The following SLC17A8 variants were observed in gnomAD, a reference collection of about 807,000 sequenced individuals.
SLC17A8 encodes vesicular glutamate transporter 3.
Under a neutral mutation model 58.0 loss-of-function variants are expected in SLC17A8, and 31 were observed. The ratio of observed to expected loss-of-function variants is 0.53; its 90% CI spans 0.40 to 0.72. The LOEUF is 0.72. Among genes scored for constraint, SLC17A8 ranks in the 30% least tolerant of loss-of-function variants. The pLI, the probability that SLC17A8 is intolerant of heterozygous loss-of-function variation, is 0.00. For missense variants in SLC17A8, 655 were observed against 727.8 expected (o/e 0.90, Z 1.15); for synonymous variants, 228 against 249.0 (o/e 0.92, Z 0.79).
intron 10 of SLC17A8, among the ~76,000 whole-genome samples, chr12:100,413,222 C>T (rs1952883015): frequency 6.6e-6 from 1 of 152,310 alleles, no homozygotes; most frequent in South Asian, 2.1e-4. Flanking sequence ...CTGACAGAGG[C>T]TCCTGTGACT....
chr12:100,417,217 C>A (rs1952912754), intron 10 of SLC17A8, among the ~76,000 whole-genome samples: 1 of 152,176 alleles, frequency 6.6e-6, no homozygotes, highest in Non-Finnish European at 1.5e-5. Context: ...GCAGCATTAT[C>A]TTTTGATAGA....
chr12:100,402,838 T>G, intron 8 of SLC17A8, 93 bp downstream of exon 8: 1 of 1,300,604 alleles, frequency 7.7e-7, no homozygotes, highest in Non-Finnish European at 1.1e-6. Context: ...AAATTGCTGA[T>G]CATAATTCAT....
intron 9 of SLC17A8, 97 bp downstream of exon 9, chr12:100,404,267 A>T: frequency 8.6e-6 from 13 of 1,518,164 alleles, no homozygotes; most frequent in Non-Finnish European, 1.2e-5. Flanking sequence ...TAGTCATTGG[A>T]GTGGATCTTA....
chr12:100,384,143 T>A (rs1007997718), intron 2 of SLC17A8, among the ~76,000 whole-genome samples: 3 of 152,226 alleles, frequency 2.0e-5, no homozygotes, highest in Non-Finnish European at 4.4e-5. Context: ...AGTCCAAAGT[T>A]CTTCCCATGG....
At position 100,357,091 on chromosome 12, in the gene SLC17A8, C is replaced by A. The variant is rs374042670; in HGVS notation, c.-301C>A. ...CTGCGCTCAGTCTGAGAGTGGCTGC[C>A]TGAGACAGCTGCCACAGGCTGCTGC... On this transcript the variant is annotated 5_prime_UTR_variant, in exon 1 of 12. The change creates a new upstream start codon in the 5' untranslated region. Coordinates refer to ENST00000323346, the MANE Select transcript of SLC17A8 (RefSeq NM_139319.3). 30 of 376,360 alleles carry A rather than the reference C, an allele frequency of 8.0e-5. No individual in the cohort carries two copies. In the East Asian group the frequency reaches 1.7e-3, roughly 21 times the overall value. 23.3% of individuals were successfully genotyped at this position (376,360 alleles called of 1,614,324 possible).
chr12:100,387,867 A>T (rs1952687254), intron 2 of SLC17A8, among the ~76,000 whole-genome samples: 2 of 152,160 alleles, frequency 1.3e-5, no homozygotes, highest in South Asian at 4.1e-4. Context: ...TTTAAAGATT[A>T]AAGGAGGAAA....
chr12:100,357,154 CA>C lies in SLC17A8; in HGVS notation c.-237del. 2.1e-6 allele frequency: 1 copy of C among 473,334 alleles called. No individual in the cohort carries two copies. Among genetic ancestry groups the C allele is most frequent in the East Asian group, 4.1e-5 (1 of 24,228 alleles). 29.3% of individuals were successfully genotyped at this position (473,334 alleles called of 1,614,324 possible). On this transcript the variant is annotated 5_prime_UTR_variant, in exon 1 of 12. Transcript: ENST00000323346. ...TTTTGCAAGGGACTGAATTCCCAGC[CA>C]GACACCCCTTGGACTCTTTTTTGGA...
At chr12:100,396,507 G>C (rs917658842) in intron 5 of SLC17A8, 90 bp downstream of exon 5, 1 of 975,492 alleles carries the variant, frequency 1.0e-6, no homozygotes, top group South Asian at 1.3e-5. Context: ...CAGCACTTTA[G>C]GGAGGCCGAG....
intron 9 of SLC17A8, among the ~76,000 whole-genome samples, chr12:100,409,543 G>T (rs1206376685): frequency 1.3e-5 from 2 of 152,142 alleles, no homozygotes; most frequent in East Asian, 3.9e-4. Flanking sequence ...TAAATATACA[G>T]TTTTGTGGGA....
Position 100,402,723 on chromosome 12 carries a change from T to C in SLC17A8, c.1031T>C (p.Val344Ala), listed in dbSNP as rs150911964. Residue 344 changes from valine to alanine, a missense_variant, in exon 8 of 12, where the codon GTC becomes GCC. By Grantham distance (64) the Val-to-Ala change is moderately conservative. Coordinates refer to ENST00000323346, the MANE Select transcript of SLC17A8 (RefSeq NM_139319.3). The stretch of plus-strand genomic sequence containing the variant: ...AGTCAGCCTGCTTATTTTGAAGAGG[T>C]CTTTGGATTTGCAATAAGTAAGGTA... ...LISQPAYFEE[V>A]FGFAISKVGL... is the part of the protein sequence containing the mutation. The C allele has an allele frequency of 5.0e-6, 8 of 1,613,870 alleles. No homozygotes were observed. In the African/African-American group the frequency reaches 1.1e-4, roughly 22 times the overall value.
intron 11 of SLC17A8, among the ~76,000 whole-genome samples, chr12:100,418,365 A>C (rs762445887): frequency 6.6e-6 from 1 of 151,394 alleles, no homozygotes; most frequent in African/African-American, 2.4e-5. Flanking sequence ...GTTTTGTTCT[A>C]TGTTTTCTCA....
chr12:100,361,548 A>C (rs1952484717), intron 1 of SLC17A8, among the ~76,000 whole-genome samples: 1 of 152,038 alleles, frequency 6.6e-6, no homozygotes, highest in Non-Finnish European at 1.5e-5. Flanking sequence ...TTCCTGCTTT[A>C]CTTCACCTCT....
intron 10 of SLC17A8, among the ~76,000 whole-genome samples, chr12:100,417,485 G>T (rs1373443109): frequency 6.6e-6 from 1 of 152,214 alleles, no homozygotes; most frequent in Non-Finnish European, 1.5e-5. Context: ...TCAAGTAGGT[G>T]TGTGAAAGTG....
At chr12:100,396,303 C>G in intron 4 of SLC17A8, 27 bp from the exon 5 acceptor site, 1 of 1,573,866 alleles carries the variant, frequency 6.4e-7, no homozygotes, top group Non-Finnish European at 8.7e-7. Flanking sequence ...GTCAAATCAA[C>G]TAATCTATTT....
rs2136020567 is a variant in SLC17A8 at position 100,420,148 on chromosome 12, A to G, written c.1759A>G (p.Thr587Ala). 6.2e-7 allele frequency: 1 copy of G among 1,612,120 alleles called. No individual in the cohort carries two copies. The highest frequency in any genetic ancestry group is 8.5e-7 in the Non-Finnish European group (1 of 1,178,954). ...CCAGAATGAAGAGAGAAACTTCTCAACTATATCCTAATGTCTGAGAGGCAC... is the reference window on the plus strand; with the variant it reads ...CCAGAATGAAGAGAGAAACTTCTCAGCTATATCCTAATGTCTGAGAGGCAC... The part of the protein sequence containing the change: ...SYQNEERNFS[T>A]IS The change falls in exon 12 of 12, where the codon ACT becomes GCT. Residue 587 changes from threonine (T) to alanine (A), a missense_variant. Physicochemically the swap from Thr to Ala is moderately conservative, Grantham distance 58. Transcript: ENST00000323346.
chr12:100,412,640 A>G (rs1454470335), intron 9 of SLC17A8, 130 bp from the exon 10 acceptor site: 2 of 686,574 alleles, frequency 2.9e-6, no homozygotes, highest in Non-Finnish European at 5.2e-6. Context: ...AAGTAAAAAA[A>G]AAACATAGAC....
chr12:100,415,637 C>T (rs1952901190), intron 10 of SLC17A8, among the ~76,000 whole-genome samples: 1 of 152,062 alleles, frequency 6.6e-6, no homozygotes, highest in African/African-American at 2.4e-5. Context: ...ACGATGTTGC[C>T]CAAGCTGGTC....
chr12:100,418,947 G>C (rs898743456), intron 11 of SLC17A8, among the ~76,000 whole-genome samples: 7 of 152,162 alleles, frequency 4.6e-5, no homozygotes, highest in African/African-American at 1.7e-4. Flanking sequence ...TGAAATGATA[G>C]GATTGATAAC....
intron 1 of SLC17A8, among the ~76,000 whole-genome samples, chr12:100,371,658 C>G (rs554457396): frequency 6.6e-6 from 1 of 152,322 alleles, no homozygotes. Flanking sequence ...AGTGATTCTC[C>G]TGCTTCAGCC....
Sources: allele counts gnomAD v4.1 joint callset (sites outside exome capture counted in the v4.1 genomes callset), GRCh38; gene constraint gnomAD v4.1.1; transcripts MANE v1.5; gene names NCBI Gene and HGNC (gene_info 2026-07-23, HGNC 2026-07-21).